Variants in MYO1D observed in about 807,000 individuals in gnomAD.
MYO1D encodes myosin ID.
Under a neutral mutation model 122.0 loss-of-function variants are expected in MYO1D, and 83 were observed. That is an observed-to-expected ratio of 0.68 (90% CI 0.57 to 0.82). MYO1D has a LOEUF of 0.82. MYO1D is among the 40% of genes least tolerant of loss of function. The pLI is 0.00. For synonymous variants in MYO1D, 464 were observed against 446.9 expected, an observed-to-expected ratio of 1.04 and a Z score of -0.48; for missense variants, 1,157 against 1,269.5, an observed-to-expected ratio of 0.91 and a Z score of 1.35.
intron 1 of MYO1D, among the ~76,000 whole-genome samples, chr17:32,797,581 TCTTA>T (rs2090428318): frequency 6.6e-6 from 1 of 152,216 alleles, no homozygotes; most frequent in Non-Finnish European, 1.5e-5. Flanking sequence ...GCTGTTAATC[TCTTA>T]CTGTGCCTAA....
chr17:32,666,490 A>G (rs1447134666), intron 16 of MYO1D, among the ~76,000 whole-genome samples: 2 of 152,236 alleles, frequency 1.3e-5, no homozygotes, highest in Non-Finnish European at 2.9e-5. Context: ...CAGATGTTTC[A>G]TAATGCCATC....
chr17:32,602,190 T>C (rs2087570076), intron 21 of MYO1D, among the ~76,000 whole-genome samples: 1 of 152,216 alleles, frequency 6.6e-6, no homozygotes, highest in Admixed American at 6.5e-5. Context: ...ACATCTGAAA[T>C]CTAGTTATAA....
intron 20 of MYO1D, among the ~76,000 whole-genome samples, chr17:32,622,675 A>T (rs539744358): frequency 6.6e-6 from 1 of 152,232 alleles, no homozygotes; most frequent in Non-Finnish European, 1.5e-5. Context: ...AAGATTAGAC[A>T]GTGAGGGCAC....
At chr17:32,771,899 T>C (rs2151023420) in intron 5 of MYO1D, among the ~76,000 whole-genome samples, 1 of 152,362 alleles carries the variant, frequency 6.6e-6, no homozygotes, top group Middle Eastern at 3.4e-3. Context: ...ACAGTGCTTT[T>C]ATATAGAGCA....
Position 32,494,519 on chromosome 17 carries a change from C to A in MYO1D, c.*240G>T. The A allele has an allele frequency of 1.8e-6, 1 of 550,860 alleles. No homozygotes were observed. Among genetic ancestry groups the A allele is most frequent in the South Asian group, 2.3e-5 (1 of 43,362 alleles). The allele number at this position is 550,860 out of a possible 1,614,324, so 34.1% of individuals were successfully genotyped here. A position where few individuals can be genotyped will look rare whatever the true frequency, so the allele number is the denominator to read the frequency against. On this transcript the variant is annotated 3_prime_UTR_variant, in exon 22 of 22. Coordinates refer to ENST00000318217, the MANE Select transcript of MYO1D (RefSeq NM_015194.3). The stretch of plus-strand genomic sequence containing the variant: ...GGGTGAGATTGGTCTGGACGTCAGC[C>A]CAGGGGTCTGGGCGGGGCACCAGGG...
intron 19 of MYO1D, among the ~76,000 whole-genome samples, chr17:32,643,513 T>C (rs372847406): frequency 7.9e-5 from 12 of 152,222 alleles, no homozygotes; most frequent in Non-Finnish European, 1.6e-4. Context: ...AGTTCCTCCT[T>C]CTACCTCTGG....
chr17:32,512,861 G>A (rs2519865), intron 21 of MYO1D: 36,793 of 152,220 alleles, frequency 0.24, 4,895 homozygotes, highest in East Asian at 0.52. Flanking sequence ...AGAAGGCGAT[G>A]AGCTGCCCTT....
At chr17:32,829,559 T>C (rs929093302) in intron 1 of MYO1D, among the ~76,000 whole-genome samples, 1 of 152,200 alleles carries the variant, frequency 6.6e-6, no homozygotes, top group Admixed American at 6.5e-5. Flanking sequence ...GTTCAAGCTA[T>C]TCTCATGCCT....
chr17:32,784,824 T>TGGG (rs2090276707), intron 1 of MYO1D, among the ~76,000 whole-genome samples: 1 of 151,848 alleles, frequency 6.6e-6, no homozygotes, highest in Admixed American at 6.6e-5. Flanking sequence ...GAAGATACTG[T>TGGG]GGGGAGGGGT....
At chr17:32,681,658 G>C (rs2088919285) in intron 16 of MYO1D, among the ~76,000 whole-genome samples, 2 of 151,774 alleles carry the variant, frequency 1.3e-5, no homozygotes, top group Admixed American at 6.6e-5. Context: ...GCTGAGGAGA[G>C]CTTTACTTCC....
At chr17:32,681,602 C>T (rs2088918465) in intron 16 of MYO1D, among the ~76,000 whole-genome samples, 1 of 151,968 alleles carries the variant, frequency 6.6e-6, no homozygotes, top group South Asian at 2.1e-4. Flanking sequence ...TTTGATTGCA[C>T]TGTGGTCTGA....
At chr17:32,846,797 T>C (rs762323683) in intron 1 of MYO1D, among the ~76,000 whole-genome samples, 10 of 152,086 alleles carry the variant, frequency 6.6e-5, no homozygotes, top group Admixed American at 1.3e-4. Context: ...CTGGGCAACA[T>C]AGCTGCCCAG....
At chr17:32,777,975 A>G (rs563687009) in intron 3 of MYO1D, among the ~76,000 whole-genome samples, 11 of 152,266 alleles carry the variant, frequency 7.2e-5, no homozygotes, top group Admixed American at 2.0e-4. Flanking sequence ...CAGAAATTCC[A>G]CTGTCAGTGG....
intron 21 of MYO1D, among the ~76,000 whole-genome samples, chr17:32,552,830 C>A (rs1170701571): frequency 2.6e-5 from 4 of 152,150 alleles, no homozygotes; most frequent in African/African-American, 9.7e-5. Context: ...GGAGACTAAG[C>A]TTTACTCCAT....
intron 21 of MYO1D, among the ~76,000 whole-genome samples, chr17:32,545,662 A>G (rs183513128): frequency 2.6e-5 from 4 of 152,290 alleles, no homozygotes; most frequent in South Asian, 2.1e-4. Context: ...GTAAAGCATG[A>G]AAGGTCAATT....
At chr17:32,752,112 G>A (rs2089904762) in intron 11 of MYO1D, among the ~76,000 whole-genome samples, 1 of 152,102 alleles carries the variant, frequency 6.6e-6, no homozygotes, top group South Asian at 2.1e-4. Context: ...AGAGAGCCCA[G>A]AAATAAAGCT....
intron 16 of MYO1D, among the ~76,000 whole-genome samples, chr17:32,711,186 T>C (rs2089371504): frequency 6.6e-6 from 1 of 152,078 alleles, no homozygotes; most frequent in East Asian, 1.9e-4. Context: ...CATGAATTAG[T>C]GAATGAAATG....
Position 32,601,597 on chromosome 17 carries a change from A to G in MYO1D, c.2864+3490T>C, listed in dbSNP as rs574262251. Among the ~76,000 whole-genome samples the G allele has an allele frequency of 5.9e-5, 9 of 152,320 alleles. No homozygotes were observed. The South Asian group carries it at 1.7e-3, about 28-fold the overall frequency. Reference sequence around the variant, plus strand: ...TGCTGTGGCAATTTGTTAGCTCCTAACAAAAGAGTCAGCCTGTCCTTTGAA... The same window carrying G: ...TGCTGTGGCAATTTGTTAGCTCCTAGCAAAAGAGTCAGCCTGTCCTTTGAA... On this transcript the variant is annotated intron_variant, in intron 21 of 21. Coordinates refer to ENST00000318217, the MANE Select transcript of MYO1D (RefSeq NM_015194.3).
intron 16 of MYO1D, among the ~76,000 whole-genome samples, chr17:32,661,847 T>C (rs1037160061): frequency 2.6e-5 from 4 of 152,190 alleles, no homozygotes; most frequent in Admixed American, 6.5e-5. Context: ...TATTGAATAA[T>C]TTACATATGA....
Sources: allele counts gnomAD v4.1 joint callset (sites outside exome capture counted in the v4.1 genomes callset), GRCh38; gene constraint gnomAD v4.1.1; transcripts MANE v1.5; gene names NCBI Gene and HGNC (gene_info 2026-07-23, HGNC 2026-07-21).